ANKRD45: variants seen among roughly 807,000 people sequenced by gnomAD.
ANKRD45 encodes ankyrin repeat domain 45.
Under a neutral mutation model 28.1 loss-of-function variants are expected in ANKRD45, and 21 were observed. The ratio of observed to expected loss-of-function variants is 0.75; its 90% CI spans 0.53 to 1.08. The LOEUF (loss-of-function observed/expected upper bound fraction) is 1.08, where lower values mean the gene tolerates loss of function less well. Among genes scored for constraint, ANKRD45 ranks in the 50% least tolerant of loss-of-function variants. The pLI is 0.00. For synonymous variants in ANKRD45, 86 were observed against 103.9 expected (o/e 0.83, Z 1.05); for missense variants, 261 against 308.7 (o/e 0.85, Z 1.16).
chr1:173,637,780 T>C (rs1365154078), intron 3 of ANKRD45, among the ~76,000 whole-genome samples: 3 of 152,194 alleles, frequency 2.0e-5, no homozygotes, highest in African/African-American at 7.2e-5. Context: ...AGAGATCCTT[T>C]GTCTCAGTGT....
At position 173,627,127 on chromosome 1, in the gene ANKRD45, T is replaced by C. The variant is rs1667973731; in HGVS notation, c.529A>G (p.Lys177Glu). Residue 177 changes from lysine to glutamate, a missense_variant, in exon 4 of 6, where the codon AAA (lysine) becomes GAA (glutamate). Transcript: ENST00000333279. ...GTGTCAGTAACAGCTAAAGAGACTT[T>C]TGCAATATATTTTTTCAGAGTCAGC... ...ARLTLKKYIAKVSLAVTDTEK... is the reference protein window; with the variant it reads ...ARLTLKKYIAEVSLAVTDTEK... 8.7e-6 allele frequency: 14 copies of C among 1,612,900 alleles called. No individual in the cohort carries two copies. The South Asian group carries it at 1.3e-4, about 15-fold the overall frequency.
At chr1:173,639,422 T>C (rs375851729) in intron 3 of ANKRD45, among the ~76,000 whole-genome samples, 241 of 152,154 alleles carry the variant, frequency 1.6e-3, no homozygotes, top group Middle Eastern at 0.01. Flanking sequence ...CCTACTGCAG[T>C]CCCCATCTTC....
At chr1:173,630,083 T>G (rs907313092) in intron 3 of ANKRD45, among the ~76,000 whole-genome samples, 1 of 152,116 alleles carries the variant, frequency 6.6e-6, no homozygotes, top group Non-Finnish European at 1.5e-5. Flanking sequence ...TTCAAACACA[T>G]CAGAGAAATA....
chr1:173,700,322 T>G, the ANKRD45 span, among the ~76,000 whole-genome samples: 24,718 of 152,178 alleles, frequency 0.16, 2,263 homozygotes, highest in Middle Eastern at 0.32. Flanking sequence ...AAAAAACTAC[T>G]TTAAAGTTCA....
chr1:173,696,682 G>A, the ANKRD45 span, among the ~76,000 whole-genome samples: 1 of 152,154 alleles, frequency 6.6e-6, no homozygotes, highest in Non-Finnish European at 1.5e-5. Flanking sequence ...TAGCCTTGTA[G>A]TATAGTTTGA....
the ANKRD45 span, among the ~76,000 whole-genome samples, chr1:173,679,031 G>A: frequency 6.6e-6 from 1 of 152,120 alleles, no homozygotes; most frequent in African/African-American, 2.4e-5. Context: ...ACAAACCACT[G>A]CTCAACAAAA....
intron 2 of ANKRD45, chr1:173,658,402 T>C (rs1249633243): frequency 1.3e-5 from 2 of 152,318 alleles, no homozygotes; most frequent in Non-Finnish European, 2.9e-5. Context: ...GTTACTACTT[T>C]TTAATTTTAT....
chr1:173,637,023 C>T, intron 3 of ANKRD45: 1 of 1,523,922 alleles, frequency 6.6e-7, no homozygotes, highest in Non-Finnish European at 8.8e-7. Context: ...GAAGAAGGAG[C>T]CAGAAGATAC....
the ANKRD45 span, among the ~76,000 whole-genome samples, chr1:173,695,195 T>A: frequency 2.6e-5 from 4 of 152,210 alleles, no homozygotes; most frequent in Non-Finnish European, 5.9e-5. Flanking sequence ...CTTTCTTTTT[T>A]AAGTATATTT....
chr1:173,713,453 T>C, the ANKRD45 span, among the ~76,000 whole-genome samples: 1 of 152,186 alleles, frequency 6.6e-6, no homozygotes, highest in Admixed American at 6.5e-5. Context: ...GTAAAGCTAA[T>C]GAGAGACCAC....
chr1:173,639,872 T>A (rs1366824835), intron 3 of ANKRD45, among the ~76,000 whole-genome samples: 1 of 152,214 alleles, frequency 6.6e-6, no homozygotes, highest in African/African-American at 2.4e-5. Context: ...TTTGGGCTAA[T>A]AGAGAATATT....
chr1:173,682,883 A>T, the ANKRD45 span, among the ~76,000 whole-genome samples: 1 of 152,172 alleles, frequency 6.6e-6, no homozygotes, highest in Non-Finnish European at 1.5e-5. Flanking sequence ...GCAAAAAGGT[A>T]GGCTTGTTAT....
At chr1:173,682,906 C>T in the ANKRD45 span, among the ~76,000 whole-genome samples, 4 of 151,690 alleles carry the variant, frequency 2.6e-5, no homozygotes, top group Non-Finnish European at 5.9e-5. Context: ...AAATAAGGCC[C>T]TTTTAGTAGT....
chr1:173,646,228 C>T (rs552954220), intron 3 of ANKRD45, among the ~76,000 whole-genome samples: 7 of 152,172 alleles, frequency 4.6e-5, no homozygotes, highest in African/African-American at 1.4e-4. Flanking sequence ...TTTTGAACTT[C>T]GTATTGAAGT....
chr1:173,643,277 G>A (rs1668783362), intron 3 of ANKRD45, among the ~76,000 whole-genome samples: 1 of 150,152 alleles, frequency 6.7e-6, no homozygotes, highest in South Asian at 2.1e-4. Context: ...TGGTTCAAGC[G>A]ATTCTCCTGC....
At chr1:173,710,850 G>A in the ANKRD45 span, among the ~76,000 whole-genome samples, 4 of 152,246 alleles carry the variant, frequency 2.6e-5, no homozygotes, top group African/African-American at 7.2e-5. Flanking sequence ...TCCTGGTGAG[G>A]TGCGGGAGAA....
the ANKRD45 span, among the ~76,000 whole-genome samples, chr1:173,687,520 T>C: frequency 2.1e-5 from 3 of 142,572 alleles, no homozygotes; most frequent in Non-Finnish European, 4.5e-5. Flanking sequence ...ACTTCCTTCA[T>C]GTCTGTGGAC....
At chr1:173,636,833 A>C in intron 3 of ANKRD45, 1 of 1,535,260 alleles carries the variant, frequency 6.5e-7, no homozygotes, top group Non-Finnish European at 8.7e-7. Context: ...TTAGCTGAAA[A>C]AGCAAGCCTC....
the ANKRD45 span, among the ~76,000 whole-genome samples, chr1:173,679,699 T>C: frequency 6.6e-6 from 1 of 152,064 alleles, no homozygotes; most frequent in Non-Finnish European, 1.5e-5. Context: ...ACAAATGGGA[T>C]CTAATTAAAC....
Sources: allele counts gnomAD v4.1 joint callset (sites outside exome capture counted in the v4.1 genomes callset), GRCh38; gene constraint gnomAD v4.1.1; transcripts MANE v1.5; gene names NCBI Gene and HGNC (gene_info 2026-07-23, HGNC 2026-07-21).